Variants in C4orf51 observed in about 807,000 individuals in gnomAD.
The protein encoded by C4orf51 is uncharacterized protein C4orf51.
C4orf51 carries 25 observed loss-of-function variants against 25.2 expected under a neutral mutation model. The observed-to-expected ratio is 0.99, with a 90% CI of 0.72 to 1.39. The LOEUF (loss-of-function observed/expected upper bound fraction) is 1.39, where lower values mean the gene tolerates loss of function less well. C4orf51 is among the 40% of genes most tolerant of loss of function. The probability of loss-of-function intolerance (pLI) is 0.00; values close to 1 mark genes in which losing one functional copy is unlikely to be tolerated. For missense variants in C4orf51, 252 were observed against 239.6 expected, an observed-to-expected ratio of 1.05 and a Z score of -0.34; for synonymous variants, 100 against 84.5, an observed-to-expected ratio of 1.18 and a Z score of -1.01.
At chr4:145,700,707 G>A (rs188321443) in intron 2 of C4orf51, among the ~76,000 whole-genome samples, 3 of 151,736 alleles carry the variant, frequency 2.0e-5, no homozygotes, top group African/African-American at 7.3e-5. Context: ...CTTCCTTCCC[G>A]CCTGTCCCCT....
intron 1 of C4orf51, among the ~76,000 whole-genome samples, chr4:145,693,437 C>T (rs1277739478): frequency 1.3e-5 from 2 of 152,120 alleles, no homozygotes; most frequent in Non-Finnish European, 2.9e-5. Flanking sequence ...TACTTCCTTC[C>T]ACACAGACAC....
chr4:145,752,230 A>G (rs568411104), intron 1 of C4orf51, among the ~76,000 whole-genome samples: 1 of 152,194 alleles, frequency 6.6e-6, no homozygotes, highest in Admixed American at 6.5e-5. Context: ...AATCTCTCAC[A>G]GTAGGCACCA....
chr4:145,791,980 C>T, the C4orf51 span, among the ~76,000 whole-genome samples: 13 of 151,464 alleles, frequency 8.6e-5, no homozygotes, highest in African/African-American at 3.2e-4. Flanking sequence ...ACAATTCTAG[C>T]TGTGTCCATG....
intron 1 of C4orf51, among the ~76,000 whole-genome samples, chr4:145,682,017 A>G (rs1728867175): frequency 6.6e-6 from 1 of 152,220 alleles, no homozygotes; most frequent in South Asian, 2.1e-4. Flanking sequence ...TCCATTTACC[A>G]GAGTAGGAAA....
intron 1 of C4orf51, among the ~76,000 whole-genome samples, chr4:145,752,467 C>T (rs1319792298): frequency 1.3e-5 from 2 of 152,198 alleles, no homozygotes; most frequent in Non-Finnish European, 2.9e-5. Flanking sequence ...GGAATCGGCG[C>T]CTTATGACTC....
Position 145,748,034 on chromosome 4 carries a change from T to C in C4orf51, n.168-6173T>C, listed in dbSNP as rs117977001. 2.6e-5 allele frequency among the ~76,000 whole-genome samples: 4 copies of C among 152,228 alleles called. No homozygotes were observed. In the East Asian group the frequency reaches 7.7e-4, roughly 29 times the overall value. ...TTGCTGTGGGACTTTTTATTACCAC[T>C]TTGATCTCGTTACATGTTACTAGTC... is the stretch of plus-strand genomic sequence containing the variant. On this transcript the variant is annotated intron_variant and non_coding_transcript_variant, in intron 1 of 1. Coordinates refer to the C4orf51 transcript ENST00000508981.
the C4orf51 span, among the ~76,000 whole-genome samples, chr4:145,789,684 A>C: frequency 6.6e-6 from 1 of 152,218 alleles, no homozygotes; most frequent in Non-Finnish European, 1.5e-5. Context: ...TCAACCATTT[A>C]TTACATTATA....
At chr4:145,787,323 C>T in the C4orf51 span, among the ~76,000 whole-genome samples, 3 of 151,932 alleles carry the variant, frequency 2.0e-5, no homozygotes, top group Admixed American at 6.6e-5. Context: ...ATTAGCTGAG[C>T]GTGGTGGCGC....
chr4:145,753,451 C>T (rs986895009), intron 1 of C4orf51, among the ~76,000 whole-genome samples: 2 of 151,958 alleles, frequency 1.3e-5, no homozygotes, highest in African/African-American at 4.8e-5. Flanking sequence ...CCCAATCTTC[C>T]ATTAATAATA....
At chr4:145,704,592 T>C (rs1243120680) in intron 2 of C4orf51, among the ~76,000 whole-genome samples, 8 of 152,240 alleles carry the variant, frequency 5.3e-5, no homozygotes, top group Admixed American at 5.2e-4. Flanking sequence ...GTGTCTGTTT[T>C]TATGCCAGTG....
intron 2 of C4orf51, among the ~76,000 whole-genome samples, chr4:145,723,292 A>G (rs900729267): frequency 1.3e-5 from 2 of 152,236 alleles, no homozygotes; most frequent in African/African-American, 4.8e-5. Flanking sequence ...ATACAACTTA[A>G]GGCTGCAGTA....
chr4:145,764,033 G>A, intron 1 of C4orf51, among the ~76,000 whole-genome samples: 1 of 152,140 alleles, frequency 6.6e-6, no homozygotes, highest in East Asian at 1.9e-4. Context: ...ACCCATCTAG[G>A]GGAGTCATGC....
At chr4:145,700,047 G>T (rs924335266) in intron 2 of C4orf51, among the ~76,000 whole-genome samples, 12 of 150,024 alleles carry the variant, frequency 8.0e-5, no homozygotes, top group African/African-American at 3.0e-4. Flanking sequence ...TTATCTCTGT[G>T]CCCCAATCCC....
downstream of C4orf51, among the ~76,000 whole-genome samples, chr4:145,756,272 T>G (rs72723866): frequency 1.3e-3 from 200 of 152,346 alleles, 3 homozygotes; most frequent in Non-Finnish European, 2.6e-3. Context: ...CCATCAGCAG[T>G]GGACACATTA....
At chr4:145,691,366 C>T (rs1194802243) in intron 1 of C4orf51, among the ~76,000 whole-genome samples, 1 of 152,122 alleles carries the variant, frequency 6.6e-6, no homozygotes, top group East Asian at 1.9e-4. Flanking sequence ...TAGTTCAGCT[C>T]CTGTGGAAAG....
chr4:145,710,644 A>G (rs777771448), intron 2 of C4orf51, among the ~76,000 whole-genome samples: 1 of 152,210 alleles, frequency 6.6e-6, no homozygotes, highest in Non-Finnish European at 1.5e-5. Context: ...AAATCTTATC[A>G]GGAAGCTGCT....
At chr4:145,744,113 C>A (rs569241065) in intron 1 of C4orf51, among the ~76,000 whole-genome samples, 1 of 151,632 alleles carries the variant, frequency 6.6e-6, no homozygotes, top group Non-Finnish European at 1.5e-5. Flanking sequence ...TGCCAACACA[C>A]GATTTTCCAT....
intron 2 of C4orf51, among the ~76,000 whole-genome samples, chr4:145,700,423 T>C (rs934433117): frequency 1.3e-5 from 2 of 152,110 alleles, no homozygotes; most frequent in Non-Finnish European, 2.9e-5. Context: ...TCCCTTAGCC[T>C]GTGTTCTTAA....
At chr4:145,722,981 C>T (rs902366939) in intron 2 of C4orf51, among the ~76,000 whole-genome samples, 7 of 152,128 alleles carry the variant, frequency 4.6e-5, no homozygotes, top group African/African-American at 1.4e-4. Context: ...CAAGCTAGGG[C>T]CCGCACTGAT....
Sources: allele counts gnomAD v4.1 joint callset (sites outside exome capture counted in the v4.1 genomes callset), GRCh38; gene constraint gnomAD v4.1.1; transcripts MANE v1.5; gene names NCBI Gene and HGNC (gene_info 2026-07-23, HGNC 2026-07-21).